Variants in FAT3 observed in about 807,000 individuals in gnomAD.
FAT3 encodes the protein protocadherin Fat 3.
Under a neutral mutation model 310.2 loss-of-function variants are expected in FAT3, and 95 were observed. The observed-to-expected ratio is 0.31, with a 90% CI of 0.26 to 0.36. The LOEUF (loss-of-function observed/expected upper bound fraction) is 0.36, where lower values mean the gene tolerates loss of function less well. FAT3 is among the 10% of genes least tolerant of loss of function. The probability of loss-of-function intolerance (pLI) is 1.00; values close to 1 mark genes in which losing one functional copy is unlikely to be tolerated. For missense variants in FAT3, 5,408 were observed against 5,715.6 expected, an observed-to-expected ratio of 0.95 and a Z score of 1.74; for synonymous variants, 2,314 against 2,192.9, an observed-to-expected ratio of 1.06 and a Z score of -1.54.
At position 92,401,654 on chromosome 11, in the gene FAT3, C is replaced by T. The variant is rs181750595; in HGVS notation, c.3292+46250C>T. Among the ~76,000 whole-genome samples the T allele has an allele frequency of 2.0e-5, 3 of 152,180 alleles. No homozygotes were observed. In the East Asian group the frequency reaches 5.8e-4, roughly 30 times the overall value. Reference sequence around the variant, plus strand: ...AATTAAGAAGACTTGCAACACCATCCTCCCCTACACTCCACCACAATGACA... The same window carrying T: ...AATTAAGAAGACTTGCAACACCATCTTCCCCTACACTCCACCACAATGACA... On this transcript the variant is annotated intron_variant, in intron 2 of 27. Coordinates refer to ENST00000525166, the MANE Select transcript of FAT3 (RefSeq NM_001367949.2).
intron 4 of FAT3, among the ~76,000 whole-genome samples, chr11:92,711,002 G>T (rs555647574): frequency 2.2e-4 from 34 of 152,232 alleles, no homozygotes; most frequent in African/African-American, 7.7e-4. Flanking sequence ...ATGTAACTAT[G>T]ATCATATATG....
intron 3 of FAT3, among the ~76,000 whole-genome samples, chr11:92,630,972 A>T (rs373605287): frequency 6.6e-6 from 1 of 152,198 alleles, no homozygotes; most frequent in Admixed American, 6.5e-5. Flanking sequence ...CAAATACAAC[A>T]TATAAAGCAG....
rs770925890 is a variant in FAT3, at chr11:92,498,242, A to G, written c.3293-26392A>G. The stretch of plus-strand genomic sequence containing the variant: ...CTTTTCCAGAACTTCTGCCTTCTCC[A>G]TGAAGCTCCATGAGTTTTCCCAATT... On this transcript the variant is annotated intron_variant, in intron 2 of 27. Coordinates refer to ENST00000525166, the MANE Select transcript of FAT3 (RefSeq NM_001367949.2). 2.0e-5 allele frequency: 4 copies of G among 198,434 alleles called. No individual in the cohort carries two copies. In the South Asian group the frequency reaches 3.2e-4, roughly 16 times the overall value. 12.3% of individuals were successfully genotyped at this position (198,434 alleles called of 1,614,324 possible). A position where few individuals can be genotyped will look rare whatever the true frequency, so the allele number is the denominator to read the frequency against.
rs762321886 is a variant in FAT3, at chr11:92,883,319, A to G, written c.12863A>G (p.Asn4288Ser). ...RGVVVCSVAP[N>S]LPAVSPCRSD... ...GTGGTCGTGTGCAGTGTGGCCCCCA[A>G]CCTCCCCGCCGTGTCACCCTGCCGC... Residue 4288 changes from asparagine (N) to serine (S), a missense_variant, in exon 24 of 28, where the codon AAC (asparagine) becomes AGC (serine). Physicochemically the swap from Asn to Ser is conservative, Grantham distance 46 (BLOSUM62 1). Around this residue, in one of 5 missense-constraint regions of FAT3, gnomAD observed 649 missense variants for 666.2 expected, o/e 0.97. Coordinates refer to ENST00000525166, the MANE Select transcript of FAT3 (RefSeq NM_001367949.2). The surrounding 1 kb of genome is among the most constrained non-coding windows in gnomAD (Gnocchi z 4.2). 6.3e-7 allele frequency: 1 copy of G among 1,584,174 alleles called. No homozygotes were observed.
intron 13 of FAT3, among the ~76,000 whole-genome samples, chr11:92,823,626 T>G (rs908088556): frequency 6.6e-6 from 1 of 152,144 alleles, no homozygotes; most frequent in Non-Finnish European, 1.5e-5. Context: ...GCCAGCCCAA[T>G]TGGGAAGTCC....
chr11:92,447,689 T>C (rs1951253762), intron 2 of FAT3, among the ~76,000 whole-genome samples: 1 of 152,100 alleles, frequency 6.6e-6, no homozygotes, highest in Non-Finnish European at 1.5e-5. Flanking sequence ...GGTTCCCCTG[T>C]GTCCTGATGT....
intron 23 of FAT3, among the ~76,000 whole-genome samples, chr11:92,881,420 T>G (rs114441001): frequency 5.4e-4 from 82 of 152,364 alleles, no homozygotes; most frequent in African/African-American, 1.9e-3. Flanking sequence ...TAGAAGTATA[T>G]GTATGTAATC....
intron 3 of FAT3, among the ~76,000 whole-genome samples, chr11:92,546,714 A>T (rs1456709345): frequency 6.6e-6 from 1 of 152,164 alleles, no homozygotes; most frequent in Non-Finnish European, 1.5e-5. Flanking sequence ...TTATTTTTCA[A>T]TGAGGCTCTT....
At chr11:92,332,810 T>C (rs922547592) in intron 1 of FAT3, among the ~76,000 whole-genome samples, 2 of 152,164 alleles carry the variant, frequency 1.3e-5, no homozygotes, top group South Asian at 4.1e-4. Context: ...TTCCATAGAG[T>C]TCCTCCATTT....
intron 1 of FAT3, among the ~76,000 whole-genome samples, chr11:92,345,816 G>A (rs1180130193): frequency 6.6e-6 from 1 of 152,142 alleles, no homozygotes; most frequent in East Asian, 1.9e-4. Flanking sequence ...CAAGCTGTGT[G>A]ACCTTGTTCA....
At chr11:92,416,315 C>T (rs1416037523) in intron 2 of FAT3, among the ~76,000 whole-genome samples, 5 of 148,522 alleles carry the variant, frequency 3.4e-5, no homozygotes, top group South Asian at 2.1e-4. Flanking sequence ...ATCCAGGAAG[C>T]GGAGGTTGCA....
chr11:92,822,317 TA>T (rs549006711), intron 13 of FAT3, among the ~76,000 whole-genome samples: 543 of 139,322 alleles, frequency 3.9e-3, no homozygotes, highest in Non-Finnish European at 4.2e-3. Context: ...ACAGGTTGGT[TA>T]AAAAAAAAAA....
At chr11:92,373,809 C>CAG (rs3221002) in intron 2 of FAT3, among the ~76,000 whole-genome samples, 15 of 133,628 alleles carry the variant, frequency 1.1e-4, no homozygotes, top group South Asian at 7.2e-4. Flanking sequence ...CACACACACA[C>CAG]AGAGACATAG....
chr11:92,513,732 A>T (rs1044116701), intron 2 of FAT3, among the ~76,000 whole-genome samples: 1 of 152,136 alleles, frequency 6.6e-6, no homozygotes, highest in Non-Finnish European at 1.5e-5. Context: ...AAGTGAACAG[A>T]CTCTGTTAGA....
chr11:92,471,866 AC>A (rs1417464277), intron 2 of FAT3, among the ~76,000 whole-genome samples: 5 of 149,486 alleles, frequency 3.3e-5, no homozygotes, highest in African/African-American at 1.2e-4. Flanking sequence ...ATCTCAAAAA[AC>A]ATATTATTGA....
chr11:92,430,146 T>C (rs1395654718), intron 2 of FAT3, among the ~76,000 whole-genome samples: 2 of 152,188 alleles, frequency 1.3e-5, no homozygotes, highest in Non-Finnish European at 2.9e-5. Flanking sequence ...TCTCTGATAT[T>C]CTTTCTTCAC....
intron 7 of FAT3, among the ~76,000 whole-genome samples, chr11:92,780,449 G>A (rs1279348001): frequency 1.3e-5 from 2 of 152,122 alleles, no homozygotes; most frequent in Non-Finnish European, 2.9e-5. Flanking sequence ...AGATAGGCGT[G>A]AGGCACTGCA....
At chr11:92,587,439 G>A (rs1939212643) in intron 3 of FAT3, among the ~76,000 whole-genome samples, 1 of 151,962 alleles carries the variant, frequency 6.6e-6, no homozygotes, top group Non-Finnish European at 1.5e-5. Flanking sequence ...TCTAGAAGTA[G>A]ACTTGCAGGT....
chr11:92,379,729 G>T (rs1027048611), intron 2 of FAT3, among the ~76,000 whole-genome samples: 1 of 152,138 alleles, frequency 6.6e-6, no homozygotes, highest in Non-Finnish European at 1.5e-5. Flanking sequence ...TTAAGTACTA[G>T]GGTGAAAAAT....
Sources: gnomAD v4.1 joint callset for allele counts (sites outside exome capture counted in the v4.1 genomes callset) on GRCh38, gnomAD v4.1.1 for gene constraint, gnomAD v4.1.1 regional missense constraint, Gnocchi (gnomAD v3.1) non-coding constraint, MANE v1.5 for transcripts, NCBI Gene and HGNC (gene_info 2026-07-23, HGNC 2026-07-21) for gene names.